Variants in VHL observed in about 807,000 individuals in gnomAD.
VHL encodes von Hippel-Lindau tumor suppressor, also known as von Hippel-Lindau disease tumor suppressor.
Under a neutral mutation model 19.2 loss-of-function variants are expected in VHL, and 10 were observed. The ratio of observed to expected loss-of-function variants is 0.52; its 90% CI spans 0.32 to 0.89. The LOEUF (loss-of-function observed/expected upper bound fraction) is 0.89, where lower values mean the gene tolerates loss of function less well. Ranked by LOEUF, VHL falls within the 40% of genes least tolerant of loss-of-function variation. The pLI, the probability that VHL is intolerant of heterozygous loss-of-function variation, is 0.03. For synonymous variants in VHL, 167 were observed against 129.5 expected, an observed-to-expected ratio of 1.29 and a Z score of -1.97; for missense variants, 328 against 292.7, an observed-to-expected ratio of 1.12 and a Z score of -0.88.
chr3:10,143,636 A>G lies in VHL; in HGVS notation c.340+1449A>G, dbSNP rs1052569196. Among the ~76,000 whole-genome samples the G allele has an allele frequency of 3.3e-5, 5 of 151,876 alleles. No homozygotes were observed. In the South Asian group the frequency reaches 8.3e-4, roughly 25 times the overall value. The stretch of plus-strand genomic sequence containing the variant: ...CTAATTTTTTGTATTCTTAGTAGAG[A>G]CAGGGTTTCACCATGTTGGCCAGGA... On this transcript the variant is annotated intron_variant, in intron 1 of 2. Transcript: ENST00000256474.
intron 2 of VHL, among the ~76,000 whole-genome samples, chr3:10,148,098 AAAAAG>A (rs1412980424): frequency 6.7e-6 from 1 of 148,492 alleles, no homozygotes; most frequent in Non-Finnish European, 1.5e-5. Context: ...CCTGTCTCAA[AAAAAG>A]AAAAAAAAAA....
In VHL at chr3:10,142,124, G is replaced by A. The variant is rs5030808; in HGVS notation, c.277G>A (p.Gly93Ser). Residue 93 changes from glycine (G) to serine (S), a missense_variant, in exon 1 of 3, where the codon GGC becomes AGC. By Grantham distance (56) the Gly-to-Ser change is moderately conservative (BLOSUM62 0). Coordinates refer to ENST00000256474, the MANE Select transcript of VHL (RefSeq NM_000551.4). Reference sequence around the variant, plus strand: ...GCTGCCCGTATGGCTCAACTTCGACGGCGAGCCGCAGCCCTACCCAACGCT... The same window carrying A: ...GCTGCCCGTATGGCTCAACTTCGACAGCGAGCCGCAGCCCTACCCAACGCT... ...VVLPVWLNFD[G>S]EPQPYPTLPP... The A allele has an allele frequency of 6.2e-7, 1 of 1,600,856 alleles. No individual in the cohort carries two copies.
rs1368010098 is a variant in VHL, at chr3:10,153,015, GC to G, written c.*3052del. The stretch of plus-strand genomic sequence containing the variant: ...AAAATTGCCGGCCGCGGCGGCTCAT[GC>G]CTGTAATCCCAGCACTTTGGGAGGC... On this transcript the variant is annotated 3_prime_UTR_variant, in exon 3 of 3. Transcript: ENST00000256474. Among the ~76,000 whole-genome samples the G allele has an allele frequency of 6.6e-6, 1 of 151,978 alleles. No individual in the cohort carries two copies. The highest frequency in any genetic ancestry group is 1.5e-5 in the Non-Finnish European group (1 of 67,974).
chr3:10,141,907 C>A lies in VHL; in HGVS notation c.60C>A (p.Val20=), dbSNP rs1553619311. The A allele has an allele frequency of 6.5e-7, 1 of 1,533,178 alleles. No homozygotes were observed. Among genetic ancestry groups the A allele is most frequent in the Non-Finnish European group, 8.8e-7 (1 of 1,137,782 alleles). The allele number at this position is 1,533,178 out of a possible 1,614,324, so 95.0% of individuals were successfully genotyped here. Residue 20 remains valine (V), a synonymous_variant, in exon 1 of 3, where the codon GTC becomes GTA. Coordinates refer to ENST00000256474, the MANE Select transcript of VHL (RefSeq NM_000551.4). Reference sequence around the variant, plus strand: ...AGGTAGGCGCGGAGGAGGCAGGCGTCGAAGAGTACGGCCCTGAAGAAGACG... The same window carrying A: ...AGGTAGGCGCGGAGGAGGCAGGCGTAGAAGAGTACGGCCCTGAAGAAGACG... ...EAEVGAEEAG[V]EEYGPEEDGG...
rs113678809 is a variant in VHL, at chr3:10,151,955, G to A, written c.*1990G>A. 1,640 of 181,488 alleles carry A rather than the reference G, an allele frequency of 9.0e-3. 32 individuals carry two copies. The highest frequency in any genetic ancestry group is 0.036 in the African/African-American group (1,531 of 42,368). The allele number at this position is 181,488 out of a possible 1,614,324, so 11.2% of individuals were successfully genotyped here. On this transcript the variant is annotated 3_prime_UTR_variant, in exon 3 of 3. Coordinates refer to ENST00000256474, the MANE Select transcript of VHL (RefSeq NM_000551.4). ...ACACATCTGTAATCCTAGCTACTTGGCAGGCTGAGGTGAGAAGATCATTGG... is the reference window on the plus strand; with the variant it reads ...ACACATCTGTAATCCTAGCTACTTGACAGGCTGAGGTGAGAAGATCATTGG...
chr3:10,146,667 G>A (rs765313182), intron 2 of VHL, 31 bp downstream of exon 2: 1 of 1,611,432 alleles, frequency 6.2e-7, no homozygotes, highest in South Asian at 1.1e-5. Flanking sequence ...AAAAAGATAA[G>A]GTTGTTGTGG....
At chr3:10,149,037 GTGGTAGTCGT>G (rs1696335329) in intron 2 of VHL, among the ~76,000 whole-genome samples, 1 of 151,740 alleles carries the variant, frequency 6.6e-6, no homozygotes, top group South Asian at 2.1e-4. Context: ...TACTCTGCTG[GTGGTAGTCGT>G]TGGTGTGGCT....
intron 1 of VHL, among the ~76,000 whole-genome samples, chr3:10,144,173 A>G (rs992691880): frequency 1.3e-5 from 2 of 152,150 alleles, no homozygotes; most frequent in African/African-American, 4.8e-5. Flanking sequence ...ATTTAATATA[A>G]AAATTTACTG....
rs765323685 is a variant in VHL, at chr3:10,142,833, A to T, written c.340+646A>T. ...TGGAGAACACATTCCTCCTGGGGAG[A>T]CTGACAGATGCAAAGACAGGAACAA... On this transcript the variant is annotated intron_variant, in intron 1 of 2. Coordinates refer to ENST00000256474, the MANE Select transcript of VHL (RefSeq NM_000551.4). The T allele has an allele frequency of 2.0e-5, 3 of 152,216 alleles. No homozygotes were observed. Among genetic ancestry groups the T allele is most frequent in the Non-Finnish European group, 4.4e-5 (3 of 68,150 alleles). 9.4% of individuals were successfully genotyped at this position (152,216 alleles called of 1,614,324 possible).
At chr3:10,146,190 T>G (rs74417383) in intron 1 of VHL, among the ~76,000 whole-genome samples, 4 of 150,896 alleles carry the variant, frequency 2.7e-5, no homozygotes, top group African/African-American at 4.9e-5. Context: ...TTTTTTTTTT[T>G]GGAGACGGAG....
rs587780731 is a variant in VHL at position 10,142,121 on chromosome 3, G to C, written c.274G>C (p.Asp92His). The part of the protein sequence containing the change: ...RVVLPVWLNF[D>H]GEPQPYPTLP... ...CGTGCTGCCCGTATGGCTCAACTTC[G>C]ACGGCGAGCCGCAGCCCTACCCAAC... Residue 92 changes from aspartate to histidine, a missense_variant, in exon 1 of 3, where the codon GAC becomes CAC. By Grantham distance (81) the Asp-to-His change is moderately conservative (BLOSUM62 -1). Transcript: ENST00000256474. 6.2e-7 allele frequency: 1 copy of C among 1,601,094 alleles called. No homozygotes were observed. Among genetic ancestry groups the C allele is most frequent in the Non-Finnish European group, 8.5e-7 (1 of 1,179,642 alleles).
intron 2 of VHL, among the ~76,000 whole-genome samples, chr3:10,146,913 A>G (rs1696274244): frequency 6.6e-6 from 1 of 152,216 alleles, no homozygotes; most frequent in African/African-American, 2.4e-5. Context: ...TTGTAGAATT[A>G]CGAATGCCTT....
intron 1 of VHL, among the ~76,000 whole-genome samples, chr3:10,145,454 C>T (rs1405358818): frequency 2.0e-5 from 3 of 151,900 alleles, no homozygotes; most frequent in Non-Finnish European, 4.4e-5. Context: ...TCCTGTAATC[C>T]CAGCACTTTG....
chr3:10,151,243 C>G lies in VHL; in HGVS notation c.*1278C>G, dbSNP rs1052513748. On this transcript the variant is annotated 3_prime_UTR_variant, in exon 3 of 3. Coordinates refer to ENST00000256474, the MANE Select transcript of VHL (RefSeq NM_000551.4). ...CTTCCACCTCCAGCCTCTGGTCCTA[C>G]CAATGGATTCATGGAGTAGCCTGGA... 1 of 205,476 alleles carries G rather than the reference C, an allele frequency of 4.9e-6. No individual in the cohort carries two copies. The highest frequency in any genetic ancestry group is 1.9e-4 in the South Asian group (1 of 5,282). 12.7% of individuals were successfully genotyped at this position (205,476 alleles called of 1,614,324 possible).
At chr3:10,142,341 C>CTTTTTTTTTTTT (rs556405301) in intron 1 of VHL, among the ~76,000 whole-genome samples, 154 bp downstream of exon 1, 1 of 107,960 alleles carries the variant, frequency 9.3e-6, no homozygotes, top group Non-Finnish European at 1.7e-5. Context: ...TCAGAGCATT[C>CTTTTTTTTTTTT]TTTTTTTTTT....
rs999509680 is a variant in VHL at position 10,142,987 on chromosome 3, G to A, written c.340+800G>A. 2.0e-5 allele frequency: 3 copies of A among 152,406 alleles called. No homozygotes were observed. The highest frequency in any genetic ancestry group is 4.4e-5 in the Non-Finnish European group (3 of 68,176). The allele number at this position is 152,406 out of a possible 1,614,324, so 9.4% of individuals were successfully genotyped here. ...TAAGGAGCACTTCCCGGAGAAGGAA[G>A]AGAGCAGGATGGAGTAGGAACTAGC... On this transcript the variant is annotated intron_variant, in intron 1 of 2. Transcript: ENST00000256474.
In VHL at chr3:10,150,387, T is replaced by C. The variant is rs1015843319; in HGVS notation, c.*422T>C. On this transcript the variant is annotated 3_prime_UTR_variant, in exon 3 of 3. Transcript: ENST00000256474. ...GGTTGGTGACTTGTCTGCCTCCTGCTTTGGGAAGACTGAGGCATCCGTGAG... is the reference window on the plus strand; with the variant it reads ...GGTTGGTGACTTGTCTGCCTCCTGCCTTGGGAAGACTGAGGCATCCGTGAG... 23 of 1,216,024 alleles carry C rather than the reference T, an allele frequency of 1.9e-5. No individual in the cohort carries two copies. Among genetic ancestry groups the C allele is most frequent in the Non-Finnish European group, 1.9e-5 (18 of 966,472 alleles). The allele number at this position is 1,216,024 out of a possible 1,614,324, so 75.3% of individuals were successfully genotyped here.
Position 10,150,011 on chromosome 3 carries a change from T to C in VHL, c.*46T>C, listed in dbSNP as rs2125131015. On this transcript the variant is annotated 3_prime_UTR_variant, in exon 3 of 3. Transcript: ENST00000256474. Reference sequence around the variant, plus strand: ...ACTGTTTCATCTCAGCTTTTGATGGTACTGATGAGTCTTGATCTAGATACA... The same window carrying C: ...ACTGTTTCATCTCAGCTTTTGATGGCACTGATGAGTCTTGATCTAGATACA... The C allele has an allele frequency of 6.3e-7, 1 of 1,589,178 alleles. No homozygotes were observed. Among genetic ancestry groups the C allele is most frequent in the East Asian group, 2.3e-5 (1 of 43,468 alleles).
rs67891117 is a variant in VHL at position 10,153,601 on chromosome 3, GTTTTTTT to G, written c.*3653_*3659del. Reference sequence around the variant, plus strand: ...AGAGACGGTGAAGTTCCTATTTCAAGTTTTTTTTTTTTTTTTTTTTTTTAAAGCTGTT... The same window carrying G: ...AGAGACGGTGAAGTTCCTATTTCAAGTTTTTTTTTTTTTTTTAAAGCTGTT... On this transcript the variant is annotated 3_prime_UTR_variant, in exon 3 of 3. Coordinates refer to ENST00000256474, the MANE Select transcript of VHL (RefSeq NM_000551.4). Among the ~76,000 whole-genome samples the G allele has an allele frequency of 3.6e-5, 1 of 28,098 alleles. No individual in the cohort carries two copies. Among genetic ancestry groups the G allele is most frequent in the Admixed American group, 3.0e-4 (1 of 3,298 alleles). 18.4% of individuals were successfully genotyped at this position (28,098 alleles called of 152,430 possible). A position where few individuals can be genotyped will look rare whatever the true frequency, so the allele number is the denominator to read the frequency against.
Sources: allele counts gnomAD v4.1 joint callset (sites outside exome capture counted in the v4.1 genomes callset), GRCh38; gene constraint gnomAD v4.1.1; transcripts MANE v1.5; gene names NCBI Gene and HGNC (gene_info 2026-07-23, HGNC 2026-07-21).